SPMIP2: variants seen among roughly 807,000 people sequenced by gnomAD.
The protein encoded by SPMIP2 is protein SPMIP2.
At chr4:158,938,543 A>C in the SPMIP2 span, among the ~76,000 whole-genome samples, 1 of 152,232 alleles carries the variant, frequency 6.6e-6, no homozygotes, top group African/African-American at 2.4e-5. Flanking sequence ...CATTATGCTA[A>C]GTGAACACTT....
chr4:158,962,513 A>G, the SPMIP2 span, among the ~76,000 whole-genome samples: 8 of 152,192 alleles, frequency 5.3e-5, no homozygotes, highest in Non-Finnish European at 1.2e-4. Flanking sequence ...TAGGGCTCTT[A>G]GTATCAAACA....
the SPMIP2 span, among the ~76,000 whole-genome samples, chr4:158,968,545 T>A: frequency 1.3e-5 from 2 of 152,170 alleles, no homozygotes. Flanking sequence ...TCTGATCTCA[T>A]TGTCTATCAT....
At chr4:158,959,212 C>T in the SPMIP2 span, among the ~76,000 whole-genome samples, 3 of 152,150 alleles carry the variant, frequency 2.0e-5, no homozygotes, top group Non-Finnish European at 2.9e-5. Context: ...CATGCTTTTA[C>T]CACCAATGCT....
At chr4:159,032,741 G>A in the SPMIP2 span, among the ~76,000 whole-genome samples, 12 of 149,010 alleles carry the variant, frequency 8.1e-5, no homozygotes, top group Admixed American at 8.0e-4. Context: ...ATTGTAAAAT[G>A]TCTAAAAGAA....
chr4:159,044,609 G>A, the SPMIP2 span, among the ~76,000 whole-genome samples: 1 of 152,126 alleles, frequency 6.6e-6, no homozygotes, highest in Non-Finnish European at 1.5e-5. Flanking sequence ...AAGAGTGTGG[G>A]AAAAATGGGG....
At chr4:158,893,539 T>A in the SPMIP2 span, 1 of 580,514 alleles carries the variant, frequency 1.7e-6, no homozygotes, top group East Asian at 2.8e-5. Context: ...ACACCTTTTT[T>A]CCAAACTGTT....
chr4:159,059,966 G>A, the SPMIP2 span, among the ~76,000 whole-genome samples: 1 of 152,186 alleles, frequency 6.6e-6, no homozygotes, highest in South Asian at 2.1e-4. Context: ...GGAGGCATAT[G>A]CAGCTCTAAG....
chr4:158,900,933 T>C, the SPMIP2 span, among the ~76,000 whole-genome samples: 1 of 152,208 alleles, frequency 6.6e-6, no homozygotes, highest in Non-Finnish European at 1.5e-5. Context: ...ATAGTGTTGA[T>C]GGTCTTTACA....
the SPMIP2 span, among the ~76,000 whole-genome samples, chr4:159,049,385 A>G: frequency 6.6e-6 from 1 of 152,242 alleles, no homozygotes; most frequent in South Asian, 2.1e-4. Context: ...TCTGAAACAT[A>G]TAGATGAGAT....
the SPMIP2 span, among the ~76,000 whole-genome samples, chr4:158,902,801 T>C: frequency 6.6e-6 from 1 of 152,180 alleles, no homozygotes; most frequent in Non-Finnish European, 1.5e-5. Context: ...CTAAACCGCT[T>C]ACTCAAGTCT....
chr4:158,951,932 C>T, the SPMIP2 span, among the ~76,000 whole-genome samples: 2 of 152,162 alleles, frequency 1.3e-5, no homozygotes, highest in Admixed American at 6.5e-5. Context: ...GCTAGACTTT[C>T]CAAAATCACT....
chr4:158,936,243 C>T, the SPMIP2 span, among the ~76,000 whole-genome samples: 1 of 152,178 alleles, frequency 6.6e-6, no homozygotes, highest in Non-Finnish European at 1.5e-5. Context: ...GAAAGAAAAT[C>T]ACTGTTTGTT....
At chr4:159,076,436 T>G in the SPMIP2 span, among the ~76,000 whole-genome samples, 1 of 152,218 alleles carries the variant, frequency 6.6e-6, no homozygotes, top group African/African-American at 2.4e-5. Context: ...AATGTCTTGT[T>G]ACTAGAATAG....
At chr4:159,077,497 G>A in the SPMIP2 span, among the ~76,000 whole-genome samples, 1 of 152,092 alleles carries the variant, frequency 6.6e-6, no homozygotes, top group African/African-American at 2.4e-5. Flanking sequence ...TGGGAGGGAA[G>A]GTTAGCTTCT....
chr4:158,899,539 G>A, the SPMIP2 span, among the ~76,000 whole-genome samples: 1 of 152,214 alleles, frequency 6.6e-6, no homozygotes, highest in Admixed American at 6.5e-5. Flanking sequence ...CTTGTTATCA[G>A]TCTATTCAGG....
At chr4:159,075,951 T>C in the SPMIP2 span, among the ~76,000 whole-genome samples, 3 of 152,180 alleles carry the variant, frequency 2.0e-5, no homozygotes, top group Non-Finnish European at 4.4e-5. Context: ...TTTTTTTCCA[T>C]GTAATCAAGA....
chr4:158,962,508 C>T, the SPMIP2 span, among the ~76,000 whole-genome samples: 1 of 152,154 alleles, frequency 6.6e-6, no homozygotes, highest in African/African-American at 2.4e-5. Flanking sequence ...TAACATAGGG[C>T]TCTTAGTATC....
chr4:158,994,374 AG>A, the SPMIP2 span, among the ~76,000 whole-genome samples: 1 of 152,256 alleles, frequency 6.6e-6, no homozygotes, highest in Admixed American at 6.5e-5. Flanking sequence ...CTTAATTTCC[AG>A]AACTGCCTTA....
the SPMIP2 span, among the ~76,000 whole-genome samples, chr4:158,959,958 G>C: frequency 6.6e-6 from 1 of 152,046 alleles, no homozygotes; most frequent in Admixed American, 6.6e-5. Flanking sequence ...TTCTTCCACA[G>C]AGATAATTAT....
Sources: allele counts gnomAD v4.1 joint callset (sites outside exome capture counted in the v4.1 genomes callset), GRCh38; gene constraint gnomAD v4.1.1; transcripts MANE v1.5; gene names NCBI Gene and HGNC (gene_info 2026-07-23, HGNC 2026-07-21).